Variants in KIF20B observed in about 807,000 individuals in gnomAD.
KIF20B encodes the protein kinesin family member 20B.
KIF20B carries 188 observed loss-of-function variants against 232.5 expected under a neutral mutation model. That is an observed-to-expected ratio of 0.81 (90% CI 0.72 to 0.91). The LOEUF (loss-of-function observed/expected upper bound fraction) is 0.91, where lower values mean the gene tolerates loss of function less well. KIF20B is among the 40% of genes least tolerant of loss of function. KIF20B has a pLI of 0.00. For missense variants in KIF20B, 2,154 were observed against 2,055.9 expected (o/e 1.05, Z -0.92); for synonymous variants, 712 against 683.0 (o/e 1.04, Z -0.66).
intron 1 of KIF20B, among the ~76,000 whole-genome samples, chr10:89,704,937 C>G (rs1842691399): frequency 6.6e-6 from 1 of 152,190 alleles, no homozygotes; most frequent in Non-Finnish European, 1.5e-5. Flanking sequence ...GTAGATGACA[C>G]AAGGTTATAA....
At chr10:89,729,819 A>G (rs1277491882) in intron 18 of KIF20B, among the ~76,000 whole-genome samples, 1 of 152,162 alleles carries the variant, frequency 6.6e-6, no homozygotes, top group Non-Finnish European at 1.5e-5. Flanking sequence ...CTTTTAATCC[A>G]TGTCTTTTAA....
intron 29 of KIF20B, among the ~76,000 whole-genome samples, chr10:89,765,427 G>A (rs1410551710): frequency 6.6e-6 from 1 of 152,150 alleles, no homozygotes; most frequent in Non-Finnish European, 1.5e-5. Flanking sequence ...TCATGTGTAG[G>A]AAGAATCAAT....
At chr10:89,725,187 C>G (rs755591441) in intron 15 of KIF20B, 29 bp downstream of exon 15, 1 of 1,607,894 alleles carries the variant, frequency 6.2e-7, no homozygotes, top group African/African-American at 1.3e-5. Context: ...TTAAAAATAT[C>G]CAGTGAGGTT....
chr10:89,757,079 A>G (rs1330428320), intron 26 of KIF20B, among the ~76,000 whole-genome samples: 1 of 100,950 alleles, frequency 9.9e-6, no homozygotes, highest in Non-Finnish European at 2.2e-5. Context: ...TACACACATG[A>G]CAATTGCTAG....
chr10:89,773,962 T>C lies in KIF20B; in HGVS notation c.5386-9T>C. ...AAGCTTTGAAAAACTATGAAATTTT[T>C]AATTTCAGATTTTAATGGACCAGAA... is the stretch of plus-strand genomic sequence containing the variant. On this transcript the variant is annotated splice_polypyrimidine_tract_variant and intron_variant, in intron 32 of 32. Transcript: ENST00000371728. 6.6e-7 allele frequency: 1 copy of C among 1,512,774 alleles called. No homozygotes were observed. The highest frequency in any genetic ancestry group is 9.0e-7 in the Non-Finnish European group (1 of 1,116,004). 93.7% of individuals were successfully genotyped at this position (1,512,774 alleles called of 1,614,324 possible).
rs556780564 is a variant in KIF20B at position 89,724,677 on chromosome 10, C to T, written c.1863-343C>T. On this transcript the variant is annotated intron_variant, in intron 14 of 32. Transcript: ENST00000371728. ...TATTGAGTGGTGCGATCTTGGCTCA[C>T]GGCAACCTGCACCTCCTGGGTTCAA... Among the ~76,000 whole-genome samples the T allele has an allele frequency of 6.6e-5, 10 of 152,212 alleles. No individual in the cohort carries two copies. In the East Asian group the frequency reaches 1.2e-3, roughly 18 times the overall value.
Position 89,718,883 on chromosome 10 carries a change from ATTTT to A in KIF20B, c.1434+12_1434+15del. ...GCCATTGCACAAAAAGTAAATATTT[ATTTT>A]ATTAAGCCTCTTATTATTAGAATAT... On this transcript the variant is annotated intron_variant, in intron 12 of 32. Transcript: ENST00000371728. 1 of 1,483,020 alleles carries A rather than the reference ATTTT, an allele frequency of 6.7e-7. No homozygotes were observed. The allele number at this position is 1,483,020 out of a possible 1,614,324, so 91.9% of individuals were successfully genotyped here.
intron 21 of KIF20B, among the ~76,000 whole-genome samples, chr10:89,740,466 T>G (rs1411527260): frequency 2.0e-5 from 3 of 152,092 alleles, no homozygotes; most frequent in East Asian, 3.9e-4. Context: ...CACTGTACAA[T>G]AGTTCTCATG....
chr10:89,762,601 C>A, intron 28 of KIF20B, 37 bp from the exon 29 acceptor site: 1 of 1,488,400 alleles, frequency 6.7e-7, no homozygotes, highest in South Asian at 1.2e-5. Flanking sequence ...AATGTATACT[C>A]TACAAATAAT....
At chr10:89,703,440 G>A (rs528668820) in intron 1 of KIF20B, among the ~76,000 whole-genome samples, 28 of 152,160 alleles carry the variant, frequency 1.8e-4, no homozygotes, top group Non-Finnish European at 3.7e-4. Context: ...AGACCAGGGT[G>A]AGGGGCCACC....
rs114817744 is a variant in KIF20B at position 89,725,944 on chromosome 10, A to G, written c.2002-349A>G. Among the ~76,000 whole-genome samples the G allele has an allele frequency of 3.0e-3, 458 of 152,298 alleles. 3 individuals carry two copies. The highest frequency in any genetic ancestry group is 0.01 in the African/African-American group (428 of 41,568). On this transcript the variant is annotated intron_variant, in intron 15 of 32. Transcript: ENST00000371728. Reference sequence around the variant, plus strand: ...CCTTGACGTGGTTTGGGATTGACTGAGTTGTGAAAATGTAGGTTTGTTTCA... The same window carrying G: ...CCTTGACGTGGTTTGGGATTGACTGGGTTGTGAAAATGTAGGTTTGTTTCA...
In KIF20B at chr10:89,717,630, A is replaced by G; in HGVS notation, c.1179A>G (p.Glu393=). ...GSERTMKTQN[E]GERLRETGNI... ...AACGAACTATGAAGACACAGAATGA[A>G]GGTGAAAGGTTAAGAGAGACTGGGA... is the stretch of plus-strand genomic sequence containing the variant. Residue 393 remains glutamate (E), a synonymous_variant, in exon 11 of 33, where the codon GAA becomes GAG. Transcript: ENST00000371728. 1 of 1,611,718 alleles carries G rather than the reference A, an allele frequency of 6.2e-7. No homozygotes were observed. The highest frequency in any genetic ancestry group is 2.2e-5 in the East Asian group (1 of 44,722).
rs149141967 is a variant in KIF20B, at chr10:89,734,979, C to G, written c.2545+1923C>G. ...GCATGTAAAATACATCCCAGACTTA[C>G]CAAATCACTATCTTTGGTATTTGGT... On this transcript the variant is annotated intron_variant, in intron 19 of 32. Transcript: ENST00000371728. Among the ~76,000 whole-genome samples, 127 of 152,304 alleles carry G rather than the reference C, an allele frequency of 8.3e-4. 1 individual carries two copies. The highest frequency in any genetic ancestry group is 3.0e-3 in the African/African-American group (125 of 41,566).
At chr10:89,754,817 C>T in intron 26 of KIF20B, 144 bp downstream of exon 26, 1 of 522,288 alleles carries the variant, frequency 1.9e-6, no homozygotes, top group Non-Finnish European at 3.2e-6. Context: ...AACTTCTGAG[C>T]CAATTTATCT....
Position 89,738,806 on chromosome 10 carries a change from C to A in KIF20B, c.3777-152C>A, listed in dbSNP as rs41308693. ...TGTGAAAAGATCAGCTTATAAAAATCATATGAAATATTTTCTGAAGAACTC... is the reference window on the plus strand; with the variant it reads ...TGTGAAAAGATCAGCTTATAAAAATAATATGAAATATTTTCTGAAGAACTC... On this transcript the variant is annotated intron_variant, in intron 20 of 32. Coordinates refer to ENST00000371728, the MANE Select transcript of KIF20B (RefSeq NM_001284259.2). The A allele has an allele frequency of 4.6e-5, 52 of 1,136,724 alleles. No individual in the cohort carries two copies. In the Middle Eastern group the frequency reaches 1.0e-3, roughly 22 times the overall value. The allele number at this position is 1,136,724 out of a possible 1,614,324, so 70.4% of individuals were successfully genotyped here.
At chr10:89,771,339 G>C (rs1842456206) in intron 31 of KIF20B, among the ~76,000 whole-genome samples, 1 of 152,082 alleles carries the variant, frequency 6.6e-6, no homozygotes, top group Admixed American at 6.6e-5. Context: ...CATACTGTCA[G>C]CTCTTAGTAT....
intron 13 of KIF20B, among the ~76,000 whole-genome samples, chr10:89,720,338 G>C (rs1843026003): frequency 6.6e-6 from 1 of 152,302 alleles, no homozygotes. Context: ...AGCTTTTTAT[G>C]TAGGTTAAGT....
Position 89,719,700 on chromosome 10 carries a change from GAA to G in KIF20B, c.1719_1720del (p.Arg574LysfsTer16), listed in dbSNP as rs773182114. The G allele has an allele frequency of 1.3e-6, 2 of 1,598,742 alleles. No individual in the cohort carries two copies. The highest frequency in any genetic ancestry group is 3.5e-5 in the Admixed American group (2 of 57,032). ...ATAAGGCTTTCATTAGCCACGAGGA[GAA>G]AAGAGTATGTATTAAGAACTCATAC... ...ENKAFISHEE[K>X]RKLLDLIEDL... On this transcript the variant is annotated frameshift_variant, in exon 13 of 33. Coordinates refer to ENST00000371728, the MANE Select transcript of KIF20B (RefSeq NM_001284259.2). LOFTEE classifies it high-confidence loss of function.
Position 89,737,405 on chromosome 10 carries a change from C to T in KIF20B, c.2564C>T (p.Ser855Leu), listed in dbSNP as rs758239922. The change falls in exon 20 of 33, where the codon TCA becomes TTA. Residue 855 changes from serine (S) to leucine (L), a missense_variant. Coordinates refer to ENST00000371728, the MANE Select transcript of KIF20B (RefSeq NM_001284259.2). ...PAKKGSIHVS[S>L]AITEDQKKSE... Reference sequence around the variant, plus strand: ...TTTAAAGGGTCTATCCATGTTAGTTCAGCTATCACTGAAGACCAAAAGAAA... The same window carrying T: ...TTTAAAGGGTCTATCCATGTTAGTTTAGCTATCACTGAAGACCAAAAGAAA... 1.2e-5 allele frequency: 19 copies of T among 1,578,008 alleles called. No homozygotes were observed. In the African/African-American group the frequency reaches 1.5e-4, roughly 13 times the overall value.
Sources: allele counts gnomAD v4.1 joint callset (sites outside exome capture counted in the v4.1 genomes callset), GRCh38; gene constraint gnomAD v4.1.1; transcripts MANE v1.5; gene names NCBI Gene and HGNC (gene_info 2026-07-23, HGNC 2026-07-21).